Variants in POFUT2 observed in about 807,000 individuals in gnomAD.
POFUT2 encodes the protein protein O-fucosyltransferase 2, also known as GDP-fucose protein O-fucosyltransferase 2.
A neutral mutation model predicts 55.0 loss-of-function variants in POFUT2; 30 were observed. That is an observed-to-expected ratio of 0.55 (90% CI 0.41 to 0.74). POFUT2 has a LOEUF of 0.74. Among genes scored for constraint, POFUT2 ranks in the 30% least tolerant of loss-of-function variants. The pLI is 0.00. For synonymous variants in POFUT2, 267 were observed against 231.1 expected (o/e 1.16, Z -1.41); for missense variants, 524 against 562.6 (o/e 0.93, Z 0.69).
intron 7 of POFUT2, among the ~76,000 whole-genome samples, chr21:45,269,636 G>A (rs1260681468): frequency 1.3e-5 from 2 of 151,824 alleles, no homozygotes; most frequent in African/African-American, 4.8e-5. Context: ...AAGTAATCAG[G>A]GACACAAACA....
chr21:45,278,083 G>T lies in POFUT2; in HGVS notation c.705+20C>A. 6.2e-7 allele frequency: 1 copy of T among 1,600,606 alleles called. No individual in the cohort carries two copies. Among genetic ancestry groups the T allele is most frequent in the Non-Finnish European group, 8.6e-7 (1 of 1,167,730 alleles). On this transcript the variant is annotated intron_variant, in intron 5 of 8. Coordinates refer to ENST00000349485, the MANE Select transcript of POFUT2 (RefSeq NM_133635.6). Reference sequence around the variant, plus strand: ...GCAACATACACTAACTGAGAAAAACGCTCCCGAGGAAACACTCACATCCCA... The same window carrying T: ...GCAACATACACTAACTGAGAAAAACTCTCCCGAGGAAACACTCACATCCCA...
In POFUT2 at chr21:45,267,010, C is replaced by T. The variant is rs373592975; in HGVS notation, c.1136+580G>A. 8 of 1,059,110 alleles carry T rather than the reference C, an allele frequency of 7.6e-6. No individual in the cohort carries two copies. Among genetic ancestry groups the T allele is most frequent in the East Asian group, 1.8e-4 (2 of 11,294 alleles). The allele number at this position is 1,059,110 out of a possible 1,614,324, so 65.6% of individuals were successfully genotyped here. ...TGACTGCACGCAGGGCCCACGCTCC[C>T]GGCCTCTGGGACGCTCACGGCAGCC... On this transcript the variant is annotated intron_variant, in intron 8 of 8. Coordinates refer to ENST00000349485, the MANE Select transcript of POFUT2 (RefSeq NM_133635.6). This position sits in a 1 kb window ranked among gnomAD's most constrained non-coding sequence, Gnocchi z 4.4.
chr21:45,270,149 G>T lies in POFUT2; in HGVS notation c.832-130C>A. ...GGCCTCCTCCACGGGGTGGCTCCAG[G>T]GCTGTCTAAGGGATTCAGGTGGAAT... On this transcript the variant is annotated intron_variant, in intron 6 of 8. Coordinates refer to ENST00000349485, the MANE Select transcript of POFUT2 (RefSeq NM_133635.6). The surrounding 1 kb of genome is among the most constrained non-coding windows in gnomAD (Gnocchi z 4.6). 1 of 558,030 alleles carries T rather than the reference G, an allele frequency of 1.8e-6. No homozygotes were observed. Among genetic ancestry groups the T allele is most frequent in the East Asian group, 3.4e-5 (1 of 29,396 alleles). The allele number at this position is 558,030 out of a possible 1,614,324, so 34.6% of individuals were successfully genotyped here. A position where few individuals can be genotyped will look rare whatever the true frequency, so the allele number is the denominator to read the frequency against.
chr21:45,278,066 CACTA>C (rs1569226201), intron 5 of POFUT2, 33 bp downstream of exon 5: 4 of 1,498,890 alleles, frequency 2.7e-6, no homozygotes, highest in Non-Finnish European at 3.7e-6. Context: ...GGGCAACATA[CACTA>C]ACTGAGAAAA....
At chr21:45,276,412 A>G (rs1335562216) in intron 6 of POFUT2, among the ~76,000 whole-genome samples, 1 of 152,208 alleles carries the variant, frequency 6.6e-6, no homozygotes, top group Non-Finnish European at 1.5e-5. Context: ...AGCGAGTAAA[A>G]TGGCACTTCT....
chr21:45,265,788 G>A lies in POFUT2; in HGVS notation c.1137-153C>T, dbSNP rs752004684. 3.1e-5 allele frequency: 44 copies of A among 1,426,908 alleles called. No individual in the cohort carries two copies. The Middle Eastern group carries it at 1.8e-3, about 57-fold the overall frequency. The allele number at this position is 1,426,908 out of a possible 1,614,324, so 88.4% of individuals were successfully genotyped here. ...TCCCCCGAGCACCCACCAGCCGGCCGCCCCCTTGCTGGCACCCCTCGCTCA... is the reference window on the plus strand; with the variant it reads ...TCCCCCGAGCACCCACCAGCCGGCCACCCCCTTGCTGGCACCCCTCGCTCA... On this transcript the variant is annotated intron_variant, in intron 8 of 8. Coordinates refer to ENST00000349485, the MANE Select transcript of POFUT2 (RefSeq NM_133635.6). The surrounding 1 kb of genome is among the most constrained non-coding windows in gnomAD (Gnocchi z 4.6).
rs1202055387 is a variant in POFUT2, at chr21:45,269,596, C to CGTTAA, written c.1012+238_1012+242dup. On this transcript the variant is annotated intron_variant, in intron 7 of 8. Coordinates refer to ENST00000349485, the MANE Select transcript of POFUT2 (RefSeq NM_133635.6). Reference sequence around the variant, plus strand: ...AACAGACGCTTGAAGGCAGCATGCTCGTTAAGAGTCATCACCAATCCCTAA... The same window carrying CGTTAA: ...AACAGACGCTTGAAGGCAGCATGCTCGTTAAGTTAAGAGTCATCACCAATCCCTAA... Among the ~76,000 whole-genome samples the CGTTAA allele has an allele frequency of 1.1e-3, 168 of 152,044 alleles. 2 individuals are homozygous for CGTTAA. Among genetic ancestry groups the CGTTAA allele is most frequent in the African/African-American group, 3.9e-3 (162 of 41,398 alleles).
Position 45,284,313 on chromosome 21 carries a change from G to C in POFUT2, c.383-786C>G, listed in dbSNP as rs1478489540. On this transcript the variant is annotated intron_variant, in intron 2 of 8. Transcript: ENST00000349485. This position sits in a 1 kb window ranked among gnomAD's most constrained non-coding sequence, Gnocchi z 5.8. The stretch of plus-strand genomic sequence containing the variant: ...TTGCTCACTCATGACTGGGGGCTAA[G>C]GGCTGCGTGGCCTAAGGGCCTGAGG... Among the ~76,000 whole-genome samples the C allele has an allele frequency of 2.6e-5, 4 of 152,202 alleles. No individual in the cohort carries two copies. Among genetic ancestry groups the C allele is most frequent in the Admixed American group, 6.5e-5 (1 of 15,282 alleles).
At chr21:45,271,238 C>T (rs1217802438) in intron 6 of POFUT2, among the ~76,000 whole-genome samples, 1 of 151,944 alleles carries the variant, frequency 6.6e-6, no homozygotes, top group Non-Finnish European at 1.5e-5. Context: ...GAAAGACACA[C>T]TTAAAGAAAC....
Position 45,285,957 on chromosome 21 carries a change from C to T in POFUT2, c.132-29G>A, listed in dbSNP as rs1331365656. ...AGCAGGGAGAAGGAGGACCACAGGT[C>T]TCAAATGCTGAGGTTTCTGCACGGA... On this transcript the variant is annotated intron_variant, in intron 1 of 8. Coordinates refer to ENST00000349485, the MANE Select transcript of POFUT2 (RefSeq NM_133635.6). The surrounding 1 kb of genome is among the most constrained non-coding windows in gnomAD (Gnocchi z 4.9). 6.3e-7 allele frequency: 1 copy of T among 1,575,572 alleles called. No homozygotes were observed. Among genetic ancestry groups the T allele is most frequent in the Non-Finnish European group, 8.6e-7 (1 of 1,161,002 alleles).
intron 8 of POFUT2, chr21:45,266,354 G>C: frequency 7.6e-7 from 1 of 1,317,782 alleles, no homozygotes. Flanking sequence ...AGCACTGGTG[G>C]GGAGACCCTC....
rs768634519 is a variant in POFUT2 at position 45,282,342 on chromosome 21, C to T, written c.638+7G>A. On this transcript the variant is annotated splice_region_variant and intron_variant, in intron 4 of 8. Transcript: ENST00000349485. This position sits in a 1 kb window ranked among gnomAD's most constrained non-coding sequence, Gnocchi z 4.6. ...CAGGCTGCTCCCGGGGGGCCTGGGG[C>T]ACTCACCGGGCTGATGTGTTTCTCA... 6.3e-7 allele frequency: 1 copy of T among 1,581,442 alleles called. No homozygotes were observed. The highest frequency in any genetic ancestry group is 1.7e-5 in the Admixed American group (1 of 59,964).
Position 45,285,627 on chromosome 21 carries a change from C to T in POFUT2, c.382+51G>A, listed in dbSNP as rs771672614. On this transcript the variant is annotated intron_variant, in intron 2 of 8. Transcript: ENST00000349485. The surrounding 1 kb of genome is among the most constrained non-coding windows in gnomAD (Gnocchi z 4.9). ...CTGATGTCTACCTTAGAAATGACTG[C>T]CTGGCCCCAGTTAAGCAACCACGGC... is the stretch of plus-strand genomic sequence containing the variant. 1.2e-5 allele frequency: 20 copies of T among 1,610,610 alleles called. 1 individual carries two copies. The South Asian group carries it at 2.2e-4, about 18-fold the overall frequency.
chr21:45,277,163 C>T lies in POFUT2; in HGVS notation c.706-21G>A, dbSNP rs1237422646. The T allele has an allele frequency of 6.8e-6, 11 of 1,608,522 alleles. No homozygotes were observed. The highest frequency in any genetic ancestry group is 6.7e-5 in the East Asian group (3 of 44,822). The stretch of plus-strand genomic sequence containing the variant: ...CGGGTCTGTGGAAACGGCGACGGCT[C>T]GGCTGAGAACACGCCCGCCCGCCAC... On this transcript the variant is annotated intron_variant, in intron 5 of 8. Coordinates refer to ENST00000349485, the MANE Select transcript of POFUT2 (RefSeq NM_133635.6). This position sits in a 1 kb window ranked among gnomAD's most constrained non-coding sequence, Gnocchi z 6.9.
At chr21:45,268,119 G>A (rs572594689) in intron 7 of POFUT2, among the ~76,000 whole-genome samples, 3 of 151,416 alleles carry the variant, frequency 2.0e-5, no homozygotes, top group African/African-American at 4.8e-5. Flanking sequence ...TCAGCCTGCC[G>A]AGTGCCTGCG....
chr21:45,275,915 A>G (rs1364318994), intron 6 of POFUT2, among the ~76,000 whole-genome samples: 1 of 152,196 alleles, frequency 6.6e-6, no homozygotes, highest in Non-Finnish European at 1.5e-5. Flanking sequence ...TAAGCCAGGC[A>G]CAGTGGCTCA....
In POFUT2 at chr21:45,283,473, CCCT is replaced by C; in HGVS notation, c.434_436del (p.Glu145del). The C allele has an allele frequency of 6.2e-7, 1 of 1,613,946 alleles. No individual in the cohort carries two copies. The highest frequency in any genetic ancestry group is 2.2e-5 in the East Asian group (1 of 44,878). Reference sequence around the variant, plus strand: ...CTCTTCCCAGGTCCCTTCTTTCCACCCCTCTGCGTAACTTTGCAGGACGTAAAC... The same window carrying C: ...CTCTTCCCAGGTCCCTTCTTTCCACCCTGCGTAACTTTGCAGGACGTAAAC... On this transcript the variant is annotated inframe_deletion, in exon 3 of 9. Coordinates refer to ENST00000349485, the MANE Select transcript of POFUT2 (RefSeq NM_133635.6).
intron 6 of POFUT2, among the ~76,000 whole-genome samples, chr21:45,274,806 AATC>A (rs2093248613): frequency 6.6e-6 from 1 of 152,228 alleles, no homozygotes; most frequent in Non-Finnish European, 1.5e-5. Flanking sequence ...TAAAGACTTA[AATC>A]TAAGACCTGA....
At chr21:45,266,359 A>C in intron 8 of POFUT2, 1 of 1,292,756 alleles carries the variant, frequency 7.7e-7, no homozygotes, top group Middle Eastern at 3.2e-4. Context: ...TGGTGGGGAG[A>C]CCCTCACCAC....
Sources: allele counts gnomAD v4.1 joint callset (sites outside exome capture counted in the v4.1 genomes callset), GRCh38; gene constraint gnomAD v4.1.1; non-coding constraint Gnocchi (gnomAD v3.1); transcripts MANE v1.5; gene names NCBI Gene and HGNC (gene_info 2026-07-23, HGNC 2026-07-21).